The following DSPP variants were observed in gnomAD, a reference collection of about 807,000 sequenced individuals.
DSPP encodes the protein dentin sialophosphoprotein, also known as deafness, autosomal dominant 39.
Under a neutral mutation model 29.1 loss-of-function variants are expected in DSPP, and 28 were observed. The ratio of observed to expected loss-of-function variants is 0.96; its 90% CI spans 0.71 to 1.32. The LOEUF (loss-of-function observed/expected upper bound fraction) is 1.32, where lower values mean the gene tolerates loss of function less well. Among genes scored for constraint, DSPP ranks in the 40% most tolerant of loss-of-function variants. The probability of loss-of-function intolerance (pLI) is 0.00; values close to 1 mark genes in which losing one functional copy is unlikely to be tolerated. For missense variants in DSPP, 1,281 were observed against 1,629.9 expected (o/e 0.79, Z 3.69); for synonymous variants, 481 against 503.4 (o/e 0.96, Z 0.60).
At chr4:87,611,568 G>A (rs1165412137) in intron 2 of DSPP, among the ~76,000 whole-genome samples, 1 of 152,084 alleles carries the variant, frequency 6.6e-6, no homozygotes, top group East Asian at 1.9e-4. Context: ...ATTTTCATAT[G>A]CTTTCATAAT....
At position 87,615,731 on chromosome 4, in the gene DSPP, T is replaced by G. The variant is rs111066820; in HGVS notation, c.3069T>G (p.Asn1023Lys). The G allele has an allele frequency of 1.6e-5, 2 of 122,416 alleles. No individual in the cohort carries two copies. Among genetic ancestry groups the G allele is most frequent in the East Asian group, 4.4e-4 (1 of 2,284 alleles). 7.6% of individuals were successfully genotyped at this position (122,416 alleles called of 1,614,324 possible). Reference sequence around the variant, plus strand: ...GCAGTAATAGTAGTGACAGCAGCAATAGCAGTGACAGCAGCAACAGCAGTG... The same window carrying G: ...GCAGTAATAGTAGTGACAGCAGCAAGAGCAGTGACAGCAGCAACAGCAGTG... Reference protein sequence around the residue: ...SDSSNSSDSSNSSDSSNSSDS... With the variant: ...SDSSNSSDSSKSSDSSNSSDS... The change falls in exon 5 of 5, where the codon AAT (asparagine) becomes AAG (lysine). Residue 1023 changes from asparagine to lysine, a missense_variant. Physicochemically the swap from Asn to Lys is moderately conservative, Grantham distance 94 (BLOSUM62 0). Transcript: ENST00000651931.
Position 87,616,016 on chromosome 4 carries a change from T to A in DSPP, c.3354T>A (p.Ser1118Arg), listed in dbSNP as rs376515601. Residue 1118 changes from serine to arginine, a missense_variant, in exon 5 of 5, where the codon AGT (serine) becomes AGA (arginine). Around this residue, in one of 4 missense-constraint regions of DSPP, gnomAD observed 72 missense variants for 190.3 expected, o/e 0.38. Coordinates refer to ENST00000651931, the MANE Select transcript of DSPP (RefSeq NM_014208.3). ...SSDSSDSSDS[S>R]DSSNSSDSSD... is the part of the protein sequence containing the mutation. Reference sequence around the variant, plus strand: ...ACAGCAGCGATAGCAGTGACAGCAGTGACAGCAGCAATAGCAGTGACAGCA... The same window carrying A: ...ACAGCAGCGATAGCAGTGACAGCAGAGACAGCAGCAATAGCAGTGACAGCA... 3.5e-6 allele frequency: 2 copies of A among 570,094 alleles called. No homozygotes were observed. Among genetic ancestry groups the A allele is most frequent in the African/African-American group, 8.1e-5 (1 of 12,336 alleles). The allele number at this position is 570,094 out of a possible 1,614,324, so 35.3% of individuals were successfully genotyped here. A position where few individuals can be genotyped will look rare whatever the true frequency, so the allele number is the denominator to read the frequency against.
Position 87,616,330 on chromosome 4 carries a change from G to A in DSPP, c.3668G>A (p.Ser1223Asn), listed in dbSNP as rs1473541224. 4 of 1,506,312 alleles carry A rather than the reference G, an allele frequency of 2.7e-6. No individual in the cohort carries two copies. In the African/African-American group the frequency reaches 4.6e-5, roughly 17 times the overall value. 93.3% of individuals were successfully genotyped at this position (1,506,312 alleles called of 1,614,324 possible). ...GACAGCAGTGACAGCAGCGACAGCAGTGACAGCAGCGACAGCAGTGACAGC... is the reference window on the plus strand; with the variant it reads ...GACAGCAGTGACAGCAGCGACAGCAATGACAGCAGCGACAGCAGTGACAGC... The part of the protein sequence containing the change: ...SSDSSDSSDS[S>N]DSSDSSDSNE... Residue 1223 changes from serine (S) to asparagine (N), a missense_variant, in exon 5 of 5, where the codon AGT becomes AAT. Transcript: ENST00000651931.
rs1727802170 is a variant in DSPP, at chr4:87,614,196, G to C, written c.1534G>C (p.Asp512His). Reference sequence around the variant, plus strand: ...TGGCAGTGACTCAAAAGGAGCAGAAGATGATGACAGTGATAGCACATCAGA... The same window carrying C: ...TGGCAGTGACTCAAAAGGAGCAGAACATGATGACAGTGATAGCACATCAGA... The part of the protein sequence containing the change: ...GNGSDSKGAE[D>H]DDSDSTSDTN... Residue 512 changes from aspartate (D) to histidine (H), a missense_variant, in exon 5 of 5, where the codon GAT (aspartate) becomes CAT (histidine). Around this residue, in one of 4 missense-constraint regions of DSPP, gnomAD observed 631 missense variants for 643.2 expected, o/e 0.98. Transcript: ENST00000651931. The C allele has an allele frequency of 6.2e-7, 1 of 1,614,246 alleles. No individual in the cohort carries two copies. The highest frequency in any genetic ancestry group is 1.7e-5 in the Admixed American group (1 of 60,030).
In DSPP at chr4:87,615,791, TG is replaced by T. The variant is rs1727891393; in HGVS notation, c.3130del (p.Asp1044ThrfsTer270). The part of the protein sequence containing the change: ...SDSSDSSDSS[D>X]SSDSSDSSDS... ...ATAGCAGTGACAGCAGCGATAGCAG[TG>T]ACAGCAGCGATAGCAGTGACAGCAG... On this transcript the variant is annotated frameshift_variant, in exon 5 of 5. Coordinates refer to ENST00000651931, the MANE Select transcript of DSPP (RefSeq NM_014208.3). LOFTEE classifies it low-confidence loss of function (END_TRUNC). The T allele has an allele frequency of 1.3e-6, 2 of 1,511,396 alleles. No individual in the cohort carries two copies. Among genetic ancestry groups the T allele is most frequent in the African/African-American group, 3.1e-5 (2 of 65,534 alleles). 93.6% of individuals were successfully genotyped at this position (1,511,396 alleles called of 1,614,324 possible). A position where few individuals can be genotyped will look rare whatever the true frequency, so the allele number is the denominator to read the frequency against.
In DSPP at chr4:87,615,329, C is replaced by A; in HGVS notation, c.2667C>A (p.Ser889Arg). 1 of 1,513,680 alleles carries A rather than the reference C, an allele frequency of 6.6e-7. No individual in the cohort carries two copies. The highest frequency in any genetic ancestry group is 1.3e-5 in the South Asian group (1 of 79,614). 93.8% of individuals were successfully genotyped at this position (1,513,680 alleles called of 1,614,324 possible). Residue 889 changes from serine (S) to arginine (R), a missense_variant, in exon 5 of 5, where the codon AGC becomes AGA. This residue lies in a region of DSPP where 444 missense variants were observed against 611.4 expected (regional missense o/e 0.73). Transcript: ENST00000651931. The part of the protein sequence containing the change: ...SSDSSDSNES[S>R]NSSDSSDSSN... The stretch of plus-strand genomic sequence containing the variant: ...ATAGCAGTGACAGCAACGAAAGCAG[C>A]AATAGCAGTGACAGCAGTGATAGCA...
rs146317878 is a variant in DSPP at position 87,616,205 on chromosome 4, T to C, written c.3543T>C (p.Ser1181=). The C allele has an allele frequency of 3.4e-3, 3,972 of 1,184,256 alleles. 519 individuals are homozygous for C. The highest frequency in any genetic ancestry group is 4.0e-3 in the Admixed American group (172 of 42,486). 73.4% of individuals were successfully genotyped at this position (1,184,256 alleles called of 1,614,324 possible). Residue 1181 remains serine, a synonymous_variant, in exon 5 of 5, where the codon AGT becomes AGC. Coordinates refer to ENST00000651931, the MANE Select transcript of DSPP (RefSeq NM_014208.3). ...SSDSSDSSNS[S]DSSDSSDSSD... ...ATAGCAGTGACAGCAGCAATAGCAG[T>C]GATAGCAGCGACAGCAGTGATAGCA... is the stretch of plus-strand genomic sequence containing the variant.
chr4:87,611,233 C>T (rs953367565), intron 2 of DSPP, among the ~76,000 whole-genome samples: 3 of 151,980 alleles, frequency 2.0e-5, no homozygotes, highest in Non-Finnish European at 4.4e-5. Context: ...ACTCATATCT[C>T]GTCTGAAGGA....
chr4:87,611,539 G>A (rs1375645163), intron 2 of DSPP, among the ~76,000 whole-genome samples: 2 of 152,028 alleles, frequency 1.3e-5, no homozygotes, highest in East Asian at 3.9e-4. Context: ...AATTTTACTA[G>A]CCAGCCATCA....
intron 1 of DSPP, among the ~76,000 whole-genome samples, chr4:87,610,542 ATTAG>A (rs1232853695): frequency 2.0e-5 from 3 of 152,210 alleles, no homozygotes; most frequent in East Asian, 1.9e-4. Flanking sequence ...TTTCAGCAGA[ATTAG>A]TTAGTACTTG....
At position 87,613,224 on chromosome 4, in the gene DSPP, G is replaced by A. The variant is rs549969259; in HGVS notation, c.1038G>A (p.Lys346=). 6.2e-7 allele frequency: 1 copy of A among 1,613,950 alleles called. No individual in the cohort carries two copies. Among genetic ancestry groups the A allele is most frequent in the East Asian group, 2.2e-5 (1 of 44,886 alleles). Residue 346 remains lysine, a synonymous_variant, in exon 4 of 5, where the codon AAG becomes AAA. Coordinates refer to ENST00000651931, the MANE Select transcript of DSPP (RefSeq NM_014208.3). ...GCCAAAGAATAGAGGACACCCAGAA[G>A]CTCAACCATAGAGAAAGCAAACGCG... ...NGSQRIEDTQ[K]LNHRESKRVE... is the part of the protein sequence containing the mutation.
Position 87,614,222 on chromosome 4 carries a change from C to T in DSPP, c.1560C>T (p.Asp520=). 1 of 1,614,194 alleles carries T rather than the reference C, an allele frequency of 6.2e-7. No homozygotes were observed. The highest frequency in any genetic ancestry group is 8.5e-7 in the Non-Finnish European group (1 of 1,180,040). ...AEDDDSDSTS[D]TNNSDSNGNG... ...ATGATGACAGTGATAGCACATCAGACACTAATAATAGTGACAGTAATGGCA... is the reference window on the plus strand; with the variant it reads ...ATGATGACAGTGATAGCACATCAGATACTAATAATAGTGACAGTAATGGCA... Residue 520 remains aspartate, a synonymous_variant, in exon 5 of 5, where the codon GAC becomes GAT. Transcript: ENST00000651931.
rs752946488 is a variant in DSPP, at chr4:87,616,508, AAGTGACAGTGAC to A, written c.3858_3869del (p.Asp1286_Ser1289del). The A allele has an allele frequency of 6.4e-7, 1 of 1,551,770 alleles. No homozygotes were observed. The highest frequency in any genetic ancestry group is 8.7e-7 in the Non-Finnish European group (1 of 1,146,992). On this transcript the variant is annotated inframe_deletion, in exon 5 of 5. Coordinates refer to ENST00000651931, the MANE Select transcript of DSPP (RefSeq NM_014208.3). ...AGTCTGGTAACGGTAACAACAATGG[AAGTGACAGTGAC>A]AGTGACAGTGAAGGCAGTGACAGTA...
In DSPP at chr4:87,615,239, T is replaced by G; in HGVS notation, c.2577T>G (p.Ser859Arg). 1 of 1,519,586 alleles carries G rather than the reference T, an allele frequency of 6.6e-7. No homozygotes were observed. The highest frequency in any genetic ancestry group is 8.8e-7 in the Non-Finnish European group (1 of 1,132,468). The allele number at this position is 1,519,586 out of a possible 1,614,324, so 94.1% of individuals were successfully genotyped here. Reference sequence around the variant, plus strand: ...GTGATAGCGACAGCAGCAATAGAAGTGACAGTAGTAATAGTAGTGACAGCA... The same window carrying G: ...GTGATAGCGACAGCAGCAATAGAAGGGACAGTAGTAATAGTAGTGACAGCA... The part of the protein sequence containing the change: ...DGSDSDSSNR[S>R]DSSNSSDSSD... The change falls in exon 5 of 5, where the codon AGT (serine) becomes AGG (arginine). Residue 859 changes from serine to arginine, a missense_variant. Transcript: ENST00000651931.
At position 87,615,305 on chromosome 4, in the gene DSPP, T is replaced by TAGTAGTGAC. The variant is rs141186173; in HGVS notation, c.2645_2646insTAGTGACAG (p.Ser883_Ser885dup). 0.61 allele frequency: 942,058 copies of TAGTAGTGAC among 1,541,138 alleles called. 289,362 individuals carry two copies. Among genetic ancestry groups the TAGTAGTGAC allele is most frequent in the African/African-American group, 0.69 (49,400 of 71,326 alleles). On this transcript the variant is annotated inframe_insertion, in exon 5 of 5. Coordinates refer to ENST00000651931, the MANE Select transcript of DSPP (RefSeq NM_014208.3). ...GCAGCAACAGCAGTGACAGCAGTGATAGCAGTGACAGCAACGAAAGCAGCA... is the reference window on the plus strand; with the variant it reads ...GCAGCAACAGCAGTGACAGCAGTGATAGTAGTGACAGCAGTGACAGCAACGAAAGCAGCA...
Position 87,615,201 on chromosome 4 carries a change from A to T in DSPP, c.2539A>T (p.Ser847Cys). Reference protein sequence around the residue: ...NSSDSSDSSDSSDGSDSDSSN... With the variant: ...NSSDSSDSSDCSDGSDSDSSN... ...CAGTGATAGCAGCGACAGCAGCGAT[A>T]GCAGTGACGGCAGTGATAGCGACAG... The change falls in exon 5 of 5, where the codon AGC (serine) becomes TGC (cysteine). Residue 847 changes from serine (S) to cysteine (C), a missense_variant. Physicochemically the swap from Ser to Cys is moderately radical, Grantham distance 112. Transcript: ENST00000651931. 1 of 1,515,626 alleles carries T rather than the reference A, an allele frequency of 6.6e-7. No homozygotes were observed. The highest frequency in any genetic ancestry group is 8.9e-7 in the Non-Finnish European group (1 of 1,124,240). 93.9% of individuals were successfully genotyped at this position (1,515,626 alleles called of 1,614,324 possible). A position where few individuals can be genotyped will look rare whatever the true frequency, so the allele number is the denominator to read the frequency against.
Position 87,614,213 on chromosome 4 carries a change from C to T in DSPP, c.1551C>T (p.Ser517=), listed in dbSNP as rs1578140719. 1 of 1,614,188 alleles carries T rather than the reference C, an allele frequency of 6.2e-7. No individual in the cohort carries two copies. Among genetic ancestry groups the T allele is most frequent in the East Asian group, 2.2e-5 (1 of 44,884 alleles). Residue 517 remains serine, a synonymous_variant, in exon 5 of 5, where the codon AGC becomes AGT. Transcript: ENST00000651931. The part of the protein sequence containing the change: ...SKGAEDDDSD[S]TSDTNNSDSN... The stretch of plus-strand genomic sequence containing the variant: ...GAGCAGAAGATGATGACAGTGATAG[C>T]ACATCAGACACTAATAATAGTGACA...
At position 87,615,303 on chromosome 4, in the gene DSPP, G is replaced by T; in HGVS notation, c.2641G>T (p.Asp881Tyr). ...CAGCAGCAACAGCAGTGACAGCAGT[G>T]ATAGCAGTGACAGCAACGAAAGCAG... ...SDSSNSSDSSDSSDSNESSNS... is the reference protein window; with the variant it reads ...SDSSNSSDSSYSSDSNESSNS... The change falls in exon 5 of 5, where the codon GAT (aspartate) becomes TAT (tyrosine). Residue 881 changes from aspartate to tyrosine, a missense_variant. Around this residue, in one of 4 missense-constraint regions of DSPP, gnomAD observed 444 missense variants for 611.4 expected, o/e 0.73. Coordinates refer to ENST00000651931, the MANE Select transcript of DSPP (RefSeq NM_014208.3). 1 of 1,493,710 alleles carries T rather than the reference G, an allele frequency of 6.7e-7. No individual in the cohort carries two copies. The highest frequency in any genetic ancestry group is 8.9e-7 in the Non-Finnish European group (1 of 1,121,118). 92.5% of individuals were successfully genotyped at this position (1,493,710 alleles called of 1,614,324 possible).
In DSPP at chr4:87,614,898, A is replaced by C. The variant is rs536928979; in HGVS notation, c.2236A>C (p.Ser746Arg). 6.4e-7 allele frequency: 1 copy of C among 1,550,676 alleles called. No individual in the cohort carries two copies. Among genetic ancestry groups the C allele is most frequent in the Non-Finnish European group, 8.7e-7 (1 of 1,146,412 alleles). Residue 746 changes from serine (S) to arginine (R), a missense_variant, in exon 5 of 5, where the codon AGC becomes CGC. Transcript: ENST00000651931. ...CAGCAACAGCAGTGACAGCAGTGATAGCAGTGACAGCAGCAACAGCAGTGA... is the reference window on the plus strand; with the variant it reads ...CAGCAACAGCAGTGACAGCAGTGATCGCAGTGACAGCAGCAACAGCAGTGA... ...DSSNSSDSSD[S>R]SDSSNSSDSS... is the part of the protein sequence containing the mutation.
Sources: allele counts gnomAD v4.1 joint callset (sites outside exome capture counted in the v4.1 genomes callset), GRCh38; gene constraint gnomAD v4.1.1; regional missense constraint gnomAD v4.1.1; transcripts MANE v1.5; gene names NCBI Gene and HGNC (gene_info 2026-07-23, HGNC 2026-07-21).